RBKS: variants seen among roughly 807,000 people sequenced by gnomAD.
The protein encoded by RBKS is ribokinase.
A neutral mutation model predicts 33.9 loss-of-function variants in RBKS; 33 were observed. The ratio of observed to expected loss-of-function variants is 0.97; its 90% CI spans 0.74 to 1.30. RBKS has a LOEUF of 1.30. Among genes scored for constraint, RBKS ranks in the 50% most tolerant of loss-of-function variants. The pLI, the probability that RBKS is intolerant of heterozygous loss-of-function variation, is 0.00. For synonymous variants in RBKS, 125 were observed against 143.0 expected, an observed-to-expected ratio of 0.87 and a Z score of 0.90; for missense variants, 361 against 392.6, an observed-to-expected ratio of 0.92 and a Z score of 0.68.
intron 2 of RBKS, among the ~76,000 whole-genome samples, 177 bp from the exon 3 acceptor site, chr2:27,848,274 TATA>T (rs1171454990): frequency 5.9e-5 from 9 of 152,238 alleles, no homozygotes; most frequent in Admixed American, 1.3e-4. Context: ...AGAATTGTTA[TATA>T]ATGTTTCACT....
intron 7 of RBKS, among the ~76,000 whole-genome samples, chr2:27,804,730 A>G (rs1677863226): frequency 6.6e-6 from 1 of 152,192 alleles, no homozygotes; most frequent in African/African-American, 2.4e-5. Context: ...TTAAATTATA[A>G]ATGTACCAGG....
chr2:27,791,998 G>A (rs542435417), intron 7 of RBKS, among the ~76,000 whole-genome samples: 1 of 152,098 alleles, frequency 6.6e-6, no homozygotes, highest in South Asian at 2.1e-4. Flanking sequence ...TATTTTTTAA[G>A]AAGGCAGAGG....
intron 2 of RBKS, among the ~76,000 whole-genome samples, chr2:27,851,573 T>A (rs1170513747): frequency 6.6e-6 from 1 of 152,116 alleles, no homozygotes; most frequent in Non-Finnish European, 1.5e-5. Context: ...AGTTTCGCTC[T>A]TGTTGCCCAA....
At chr2:27,832,916 G>C in intron 5 of RBKS, 139 bp from the exon 6 acceptor site, 1 of 633,098 alleles carries the variant, frequency 1.6e-6, no homozygotes, top group African/African-American at 1.8e-5. Flanking sequence ...TACGGATGTA[G>C]AGAAAAGTCT....
At chr2:27,806,124 T>C (rs2148191558) in intron 7 of RBKS, among the ~76,000 whole-genome samples, 1 of 152,204 alleles carries the variant, frequency 6.6e-6, no homozygotes, top group East Asian at 1.9e-4. Context: ...GCTCAAACGA[T>C]TCGCCCGCCT....
chr2:27,788,782 T>C (rs1677454350), intron 7 of RBKS, among the ~76,000 whole-genome samples: 1 of 152,236 alleles, frequency 6.6e-6, no homozygotes, highest in Non-Finnish European at 1.5e-5. Flanking sequence ...AAAAATGAAG[T>C]ATTTAAGGCT....
At chr2:27,873,049 G>C (rs1664245578) in intron 1 of RBKS, among the ~76,000 whole-genome samples, 1 of 152,158 alleles carries the variant, frequency 6.6e-6, no homozygotes, top group African/African-American at 2.4e-5. Flanking sequence ...GGTAATGATG[G>C]AGCACTGGGG....
chr2:27,792,443 T>C (rs963701246), intron 7 of RBKS, among the ~76,000 whole-genome samples: 1 of 152,208 alleles, frequency 6.6e-6, no homozygotes, highest in Non-Finnish European at 1.5e-5. Context: ...AATTAAAAAA[T>C]AAAAGCTAAG....
intron 5 of RBKS, among the ~76,000 whole-genome samples, chr2:27,840,360 GCGCGCA>G (rs1263679148): frequency 5.6e-4 from 38 of 68,408 alleles, no homozygotes; most frequent in African/African-American, 9.5e-4. Context: ...ACACACGCGC[GCGCGCA>G]CACACACACA....
At chr2:27,793,509 A>G (rs1217354783) in intron 7 of RBKS, among the ~76,000 whole-genome samples, 1 of 152,222 alleles carries the variant, frequency 6.6e-6, no homozygotes, top group Non-Finnish European at 1.5e-5. Context: ...CGGATGTAGT[A>G]TTCCTGCCTC....
chr2:27,828,190 C>A (rs1678355063), intron 6 of RBKS, among the ~76,000 whole-genome samples: 1 of 151,972 alleles, frequency 6.6e-6, no homozygotes, highest in Non-Finnish European at 1.5e-5. Context: ...AAAGCAAATA[C>A]AGCAAAATGT....
intron 7 of RBKS, among the ~76,000 whole-genome samples, chr2:27,821,825 A>G (rs1678217222): frequency 6.6e-6 from 1 of 152,222 alleles, no homozygotes; most frequent in Non-Finnish European, 1.5e-5. Flanking sequence ...GTTCAAAATT[A>G]GCCTTATTAC....
intron 7 of RBKS, among the ~76,000 whole-genome samples, chr2:27,790,451 T>G (rs1275071662): frequency 6.6e-6 from 1 of 152,096 alleles, no homozygotes; most frequent in Non-Finnish European, 1.5e-5. Context: ...AAACTGAAAT[T>G]TATCCAAATT....
rs1282696261 is a variant in RBKS at position 27,836,637 on chromosome 2, AT to A, written c.515-3861del. 2.0e-5 allele frequency among the ~76,000 whole-genome samples: 3 copies of A among 152,220 alleles called. No individual in the cohort carries two copies. The East Asian group carries it at 5.8e-4, about 29-fold the overall frequency. On this transcript the variant is annotated intron_variant, in intron 5 of 7. Coordinates refer to ENST00000302188, the MANE Select transcript of RBKS (RefSeq NM_022128.3). ...CAAAGCAACTGTAACAAAAACAAAA[AT>A]TGACAAGTGGGACTTAATTAAACTA...
rs1192008177 is a variant in RBKS at position 27,781,735 on chromosome 2, T to G, written c.849A>C (p.Pro283=). The G allele has an allele frequency of 1.2e-6, 2 of 1,614,072 alleles. No individual in the cohort carries two copies. Among genetic ancestry groups the G allele is most frequent in the Non-Finnish European group, 1.7e-6 (2 of 1,179,966 alleles). ...TGAGCATGTCTTCCAAGGACAGATT[T>G]GGATAGTAAGCCAGGTAGAAGGCCA... ...GALAFYLAYY[P]NLSLEDMLNR... The change falls in exon 8 of 8, where the codon CCA becomes CCC. Residue 283 remains proline, a synonymous_variant. Coordinates refer to ENST00000302188, the MANE Select transcript of RBKS (RefSeq NM_022128.3).
intron 7 of RBKS, among the ~76,000 whole-genome samples, chr2:27,815,247 GCC>G: frequency 6.6e-6 from 1 of 151,894 alleles, no homozygotes; most frequent in East Asian, 1.9e-4. Flanking sequence ...TCACTCTGTT[GCC>G]CAGGCTGGAA....
At chr2:27,886,659 A>G (rs1276785872) in intron 1 of RBKS, among the ~76,000 whole-genome samples, 1 of 152,136 alleles carries the variant, frequency 6.6e-6, no homozygotes, top group Non-Finnish European at 1.5e-5. Flanking sequence ...GGATCGCTTG[A>G]GCCCAGGGGT....
At chr2:27,849,922 G>A (rs572343838) in intron 2 of RBKS, among the ~76,000 whole-genome samples, 3 of 152,228 alleles carry the variant, frequency 2.0e-5, no homozygotes, top group East Asian at 3.9e-4. Flanking sequence ...GCATCTTATC[G>A]ACATCTCCCT....
At chr2:27,889,608 T>C (rs1418337986) in intron 1 of RBKS, among the ~76,000 whole-genome samples, 1 of 152,242 alleles carries the variant, frequency 6.6e-6, no homozygotes, top group Non-Finnish European at 1.5e-5. Context: ...TGGCATATTT[T>C]CTATCATAAT....
Sources: gnomAD v4.1 joint callset for allele counts (sites outside exome capture counted in the v4.1 genomes callset) on GRCh38, gnomAD v4.1.1 for gene constraint, MANE v1.5 for transcripts, NCBI Gene and HGNC (gene_info 2026-07-23, HGNC 2026-07-21) for gene names.